Variants in FAM151B observed in about 807,000 individuals in gnomAD.
FAM151B encodes the protein family with sequence similarity 151 member B.
Under a neutral mutation model 31.2 loss-of-function variants are expected in FAM151B, and 24 were observed. The observed-to-expected ratio is 0.77, with a 90% CI of 0.56 to 1.08. The LOEUF (loss-of-function observed/expected upper bound fraction) is 1.08, where lower values mean the gene tolerates loss of function less well. Among genes scored for constraint, FAM151B ranks in the 50% least tolerant of loss-of-function variants. The pLI is 0.00. For synonymous variants in FAM151B, 105 were observed against 111.4 expected (o/e 0.94, Z 0.36); for missense variants, 293 against 328.6 (o/e 0.89, Z 0.84).
intron 5 of FAM151B, among the ~76,000 whole-genome samples, chr5:80,523,923 G>A (rs1015190474): frequency 4.6e-5 from 7 of 152,064 alleles, no homozygotes; most frequent in East Asian, 3.8e-4. Flanking sequence ...AAAGTATCCC[G>A]TGATGCTATT....
At chr5:80,505,256 C>T (rs1357334711) in intron 2 of FAM151B, among the ~76,000 whole-genome samples, 1 of 152,202 alleles carries the variant, frequency 6.6e-6, no homozygotes, top group African/African-American at 2.4e-5. Flanking sequence ...CTGCCTCAGC[C>T]TCCCAAAGTG....
At chr5:80,505,927 T>G in intron 2 of FAM151B, 1 of 193,058 alleles carries the variant, frequency 5.2e-6, no homozygotes, top group Non-Finnish European at 1.0e-5. Context: ...CGGCTAATTT[T>G]TTGTATTTTT....
intron 1 of FAM151B, among the ~76,000 whole-genome samples, chr5:80,489,663 G>A (rs1170575235): frequency 6.6e-6 from 1 of 152,176 alleles, no homozygotes; most frequent in Admixed American, 6.5e-5. Flanking sequence ...GGTGACTCAC[G>A]CCCGTAATCC....
chr5:80,522,042 G>A lies in FAM151B; in HGVS notation c.575G>A (p.Cys192Tyr), dbSNP rs578022977. Residue 192 changes from cysteine to tyrosine, a missense_variant, in exon 5 of 6, where the codon TGT becomes TAT. Physicochemically the swap from Cys to Tyr is radical, Grantham distance 194. Transcript: ENST00000282226. ...WTMVKEMEYI[C>Y]NELSQPVTFP... ...ATGGTGAAAGAGATGGAATATATAT[G>A]TAATGAACTAAGTCAGCCTGTAACG... 2 of 1,610,968 alleles carry A rather than the reference G, an allele frequency of 1.2e-6. No individual in the cohort carries two copies. Among genetic ancestry groups the A allele is most frequent in the Admixed American group, 1.7e-5 (1 of 59,986 alleles).
intron 5 of FAM151B, among the ~76,000 whole-genome samples, chr5:80,536,543 G>A (rs1285587149): frequency 6.6e-6 from 1 of 151,974 alleles, no homozygotes. Context: ...CCCACTGCTC[G>A]GTATGTAAAC....
At chr5:80,488,232 C>T (rs1179255428) in intron 1 of FAM151B, 84 bp downstream of exon 1, 3 of 1,467,002 alleles carry the variant, frequency 2.0e-6, no homozygotes, top group East Asian at 2.6e-5. Context: ...TGCGGGCTCC[C>T]GCGGTCTTCC....
chr5:80,506,616 A>G (rs1162251220), intron 2 of FAM151B, among the ~76,000 whole-genome samples: 2 of 152,216 alleles, frequency 1.3e-5, no homozygotes, highest in African/African-American at 4.8e-5. Context: ...TTTTCCACCC[A>G]GCATCCAAAG....
intron 2 of FAM151B, among the ~76,000 whole-genome samples, chr5:80,506,662 G>A (rs927892098): frequency 6.6e-6 from 1 of 152,076 alleles, no homozygotes; most frequent in African/African-American, 2.4e-5. Flanking sequence ...CTCTTTATTG[G>A]TCTCAAATGG....
At chr5:80,530,725 C>T (rs897420382) in intron 5 of FAM151B, among the ~76,000 whole-genome samples, 1 of 151,888 alleles carries the variant, frequency 6.6e-6, no homozygotes, top group African/African-American at 2.4e-5. Context: ...CACTGCTCAA[C>T]GAAATAAAAG....
At chr5:80,521,198 C>T (rs997073309) in intron 4 of FAM151B, among the ~76,000 whole-genome samples, 1 of 146,252 alleles carries the variant, frequency 6.8e-6, no homozygotes, top group African/African-American at 2.5e-5. Context: ...CATCATGGCT[C>T]ACTGCACCTT....
At chr5:80,489,339 T>C (rs1413975733) in intron 1 of FAM151B, among the ~76,000 whole-genome samples, 1 of 152,200 alleles carries the variant, frequency 6.6e-6, no homozygotes, top group Non-Finnish European at 1.5e-5. Flanking sequence ...CTTTTTTCTC[T>C]CTCTCTTTTT....
Position 80,499,054 on chromosome 5 carries a change from A to G in FAM151B, c.26-2738A>G, listed in dbSNP as rs145813328. 1,541 of 163,562 alleles carry G rather than the reference A, an allele frequency of 9.4e-3. 17 individuals are homozygous for G. Among genetic ancestry groups the G allele is most frequent in the Non-Finnish European group, 0.011 (800 of 75,326 alleles). 10.1% of individuals were successfully genotyped at this position (163,562 alleles called of 1,614,324 possible). A position where few individuals can be genotyped will look rare whatever the true frequency, so the allele number is the denominator to read the frequency against. On this transcript the variant is annotated intron_variant, in intron 1 of 5. Transcript: ENST00000282226. ...TAGTTTTAGGTTTTTAACTGTAGTT[A>G]GGCAGAGTTAACAAACAAATAATTA...
At chr5:80,494,488 C>CT (rs1348490560) in intron 1 of FAM151B, among the ~76,000 whole-genome samples, 95 of 142,626 alleles carry the variant, frequency 6.7e-4, no homozygotes, top group Non-Finnish European at 1.2e-3. Context: ...TTCTTTCTTT[C>CT]TTTCTTTCTT....
intron 3 of FAM151B, among the ~76,000 whole-genome samples, chr5:80,515,072 T>G (rs1744363920): frequency 6.6e-6 from 1 of 151,978 alleles, no homozygotes; most frequent in African/African-American, 2.4e-5. Context: ...AAACCCCTTC[T>G]CTACTAAAAA....
At chr5:80,494,480 C>CTTTCTTTCTTTA (rs1561359266) in intron 1 of FAM151B, among the ~76,000 whole-genome samples, 10 of 139,088 alleles carry the variant, frequency 7.2e-5, no homozygotes, top group African/African-American at 2.8e-4. Flanking sequence ...TTCTTTCTTT[C>CTTTCTTTCTTTA]TTTCTTTCTT....
chr5:80,540,453 T>C (rs1361361830), intron 5 of FAM151B, among the ~76,000 whole-genome samples: 2 of 152,196 alleles, frequency 1.3e-5, no homozygotes, highest in Non-Finnish European at 2.9e-5. Flanking sequence ...GGTTAAAAAA[T>C]GAAGTTTGAG....
chr5:80,519,214 A>G (rs927556169), intron 3 of FAM151B, among the ~76,000 whole-genome samples: 8 of 152,344 alleles, frequency 5.3e-5, no homozygotes, highest in African/African-American at 1.9e-4. Context: ...CCAAGAATAC[A>G]TAAGGGAAAG....
chr5:80,535,650 T>G (rs765491835), intron 5 of FAM151B, among the ~76,000 whole-genome samples: 7 of 152,186 alleles, frequency 4.6e-5, no homozygotes, highest in Non-Finnish European at 8.8e-5. Context: ...AAGAAAACAT[T>G]GGGGAAACCC....
At chr5:80,512,181 TA>T (rs1434908817) in intron 2 of FAM151B, among the ~76,000 whole-genome samples, 8 of 152,216 alleles carry the variant, frequency 5.3e-5, no homozygotes, top group African/African-American at 1.7e-4. Context: ...TTGTGAAAGA[TA>T]AAATTTCTCA....
Sources: gnomAD v4.1 joint callset for allele counts (sites outside exome capture counted in the v4.1 genomes callset) on GRCh38, gnomAD v4.1.1 for gene constraint, MANE v1.5 for transcripts, NCBI Gene and HGNC (gene_info 2026-07-23, HGNC 2026-07-21) for gene names.